Variants in HTT observed in about 807,000 individuals in gnomAD.
HTT encodes huntingtin.
A neutral mutation model predicts 362.3 loss-of-function variants in HTT; 104 were observed. The ratio of observed to expected loss-of-function variants is 0.29; its 90% confidence interval spans 0.24 to 0.34. The LOEUF is 0.34. Ranked by LOEUF, HTT falls within the 10% of genes least tolerant of loss-of-function variation. HTT has a pLI of 1.00. For synonymous variants in HTT, 1,577 were observed against 1,548.7 expected (o/e 1.02, Z -0.43); for missense variants, 3,301 against 3,928.6 (o/e 0.84, Z 4.27).
intron 1 of HTT, among the ~76,000 whole-genome samples, chr4:3,078,216 C>T (rs1712667622): frequency 6.6e-6 from 1 of 152,144 alleles, no homozygotes; most frequent in Non-Finnish European, 1.5e-5. Context: ...CTGGTGTTTC[C>T]CTGACTTTAT....
At chr4:3,173,340 G>T in intron 31 of HTT, 1 of 569,022 alleles carries the variant, frequency 1.8e-6, no homozygotes, top group Admixed American at 3.0e-5. Flanking sequence ...CAGTGAGTGA[G>T]ATGGGCTTGG....
At chr4:3,196,925 C>G (rs1225452372) in intron 40 of HTT, among the ~76,000 whole-genome samples, 2 of 152,202 alleles carry the variant, frequency 1.3e-5, no homozygotes, top group African/African-American at 2.4e-5. Flanking sequence ...TCTGTGTACA[C>G]TCCATTCTCA....
At chr4:3,167,032 G>C (rs774627410) in intron 29 of HTT, among the ~76,000 whole-genome samples, 1 of 152,232 alleles carries the variant, frequency 6.6e-6, no homozygotes, top group Non-Finnish European at 1.5e-5. Context: ...GATCTCACTG[G>C]GAGCTGTAGA....
intron 29 of HTT, among the ~76,000 whole-genome samples, chr4:3,166,300 C>T (rs1417325023): frequency 6.6e-6 from 1 of 152,138 alleles, no homozygotes; most frequent in Non-Finnish European, 1.5e-5. Context: ...CGTCCCAGAG[C>T]ACGAAGGTGT....
At chr4:3,184,560 G>C (rs1718673337) in intron 37 of HTT, among the ~76,000 whole-genome samples, 1 of 152,156 alleles carries the variant, frequency 6.6e-6, no homozygotes, top group Admixed American at 6.5e-5. Context: ...AAGGTTTGCT[G>C]GTGGCTTAGA....
chr4:3,236,101 T>G (rs1355052103), intron 63 of HTT, 48 bp from the exon 64 acceptor site: 1 of 1,297,098 alleles, frequency 7.7e-7, no homozygotes, highest in Admixed American at 1.7e-5. Flanking sequence ...CTACAGAGCC[T>G]ATTGGGTTGT....
At chr4:3,163,296 A>C (rs1040146275) in intron 29 of HTT, among the ~76,000 whole-genome samples, 1 of 152,150 alleles carries the variant, frequency 6.6e-6, no homozygotes, top group African/African-American at 2.4e-5. Flanking sequence ...GTGGTGGATA[A>C]GCTTTTTGAT....
At chr4:3,108,688 C>CT (rs1714564312) in intron 6 of HTT, among the ~76,000 whole-genome samples, 1 of 152,162 alleles carries the variant, frequency 6.6e-6, no homozygotes, top group Admixed American at 6.5e-5. Flanking sequence ...TACTTCCTTC[C>CT]TGAACCTTTG....
chr4:3,160,140 G>A (rs557024348), intron 28 of HTT, 142 bp from the exon 29 acceptor site: 74 of 570,724 alleles, frequency 1.3e-4, no homozygotes, highest in African/African-American at 1.2e-3. Context: ...CAACAAACAC[G>A]CAGACACACC....
intron 24 of HTT, among the ~76,000 whole-genome samples, chr4:3,146,393 T>A (rs1298581753): frequency 6.6e-6 from 1 of 152,218 alleles, no homozygotes; most frequent in East Asian, 1.9e-4. Context: ...CCATTGTGTA[T>A]CAAGTACACT....
intron 12 of HTT, chr4:3,129,646 GT>G (rs889281288): frequency 1.1e-4 from 31 of 291,168 alleles, no homozygotes; most frequent in African/African-American, 6.4e-4. Flanking sequence ...TTTTGTATGG[GT>G]TTTTTCTTTT....
intron 29 of HTT, among the ~76,000 whole-genome samples, chr4:3,164,836 C>G (rs1006376273): frequency 6.6e-6 from 1 of 152,248 alleles, no homozygotes; most frequent in East Asian, 1.9e-4. Context: ...AGATGGGTCT[C>G]CTGAATACAG....
chr4:3,217,874 C>T lies in HTT; in HGVS notation c.7164C>T (p.Leu2388=). The T allele has an allele frequency of 6.2e-7, 1 of 1,614,170 alleles. No homozygotes were observed. The highest frequency in any genetic ancestry group is 8.5e-7 in the Non-Finnish European group (1 of 1,179,966). ...GGAATAGCGGCGTGCCGGCGTTTCT[C>T]ACGCCATTGCTAAGGAACATCATCA... is the stretch of plus-strand genomic sequence containing the variant. ...HKRNSGVPAF[L]TPLLRNIIIS... The change falls in exon 52 of 67, where the codon CTC becomes CTT. Residue 2388 remains leucine (L), a synonymous_variant. Transcript: ENST00000355072.
At chr4:3,197,839 C>T (rs1370037321) in intron 40 of HTT, among the ~76,000 whole-genome samples, 1 of 152,142 alleles carries the variant, frequency 6.6e-6, no homozygotes, top group African/African-American at 2.4e-5. Flanking sequence ...TGTTCAAAAC[C>T]CCTACATCCC....
At chr4:3,125,214 T>C (rs1715466990) in intron 10 of HTT, among the ~76,000 whole-genome samples, 1 of 152,010 alleles carries the variant, frequency 6.6e-6, no homozygotes, top group Admixed American at 6.5e-5. Context: ...TTTACAGTTA[T>C]AACTTACCAT....
chr4:3,240,230 T>G lies in HTT; in HGVS notation c.*171T>G. 1 of 624,830 alleles carries G rather than the reference T, an allele frequency of 1.6e-6. No individual in the cohort carries two copies. Among genetic ancestry groups the G allele is most frequent in the South Asian group, 1.9e-5 (1 of 51,674 alleles). 38.7% of individuals were successfully genotyped at this position (624,830 alleles called of 1,614,324 possible). On this transcript the variant is annotated 3_prime_UTR_variant, in exon 67 of 67. Coordinates refer to ENST00000355072, the MANE Select transcript of HTT (RefSeq NM_001388492.1). ...TGCCATGTGGCAGAAGTGCTCTTTG[T>G]GGCAGTGGCCAGGCAGGGAGTGTCT...
Position 3,206,626 on chromosome 4 carries a change from G to C in HTT, c.5849G>C (p.Ser1950Thr), listed in dbSNP as rs1719865817. 6.2e-7 allele frequency: 1 copy of C among 1,614,148 alleles called. No individual in the cohort carries two copies. ...ISAVHRNSAA[S>T]GLFIQAIQSR... ...GCCGTTCATCGGAACTCTGCTGCCAGCGGCCTGTTCATCCAGGCAATTCAG... is the reference window on the plus strand; with the variant it reads ...GCCGTTCATCGGAACTCTGCTGCCACCGGCCTGTTCATCCAGGCAATTCAG... The change falls in exon 43 of 67, where the codon AGC becomes ACC. Residue 1950 changes from serine (S) to threonine (T), a missense_variant. By Grantham distance (58) the Ser-to-Thr change is moderately conservative. This residue lies in a region of HTT where 2,316 missense variants were observed against 2,658.5 expected (regional missense o/e 0.87). Transcript: ENST00000355072. This position sits in a 1 kb window ranked among gnomAD's most constrained non-coding sequence, Gnocchi z 4.6.
At chr4:3,085,816 C>T (rs1713177172) in intron 1 of HTT, among the ~76,000 whole-genome samples, 1 of 152,186 alleles carries the variant, frequency 6.6e-6, no homozygotes, top group Non-Finnish European at 1.5e-5. Context: ...CCCCTCTCTA[C>T]TTTATTTTGA....
At chr4:3,229,439 G>A (rs997527462) in intron 59 of HTT, among the ~76,000 whole-genome samples, 10 of 133,722 alleles carry the variant, frequency 7.5e-5, no homozygotes, top group African/African-American at 3.0e-4. Flanking sequence ...CCACACACAT[G>A]CACCACACAC....
Sources: gnomAD v4.1 joint callset for allele counts (sites outside exome capture counted in the v4.1 genomes callset) on GRCh38, gnomAD v4.1.1 for gene constraint, gnomAD v4.1.1 regional missense constraint, Gnocchi (gnomAD v3.1) non-coding constraint, MANE v1.5 for transcripts, NCBI Gene and HGNC (gene_info 2026-07-23, HGNC 2026-07-21) for gene names.